CCDC170: variants seen among roughly 807,000 people sequenced by gnomAD.
CCDC170 encodes coiled-coil domain containing 170.
In CCDC170, 69 loss-of-function variants were observed where a neutral mutation model predicts 72.6. The observed-to-expected ratio is 0.95, with a 90% confidence interval of 0.78 to 1.16. CCDC170 has a LOEUF of 1.16. CCDC170 is among the 50% of genes most tolerant of loss of function. CCDC170 has a pLI of 0.00. For synonymous variants in CCDC170, 300 were observed against 303.9 expected (o/e 0.99, Z 0.13); for missense variants, 852 against 832.5 (o/e 1.02, Z -0.29).
intron 1 of CCDC170, among the ~76,000 whole-genome samples, chr6:151,508,306 G>A (rs769224451): frequency 6.6e-6 from 1 of 152,198 alleles, no homozygotes; most frequent in Admixed American, 6.5e-5. Context: ...GGGAGGCCAA[G>A]GCGGATGGAT....
chr6:151,605,552 G>C (rs1181766808), intron 9 of CCDC170, among the ~76,000 whole-genome samples: 1 of 152,164 alleles, frequency 6.6e-6, no homozygotes, highest in Non-Finnish European at 1.5e-5. Flanking sequence ...GCTGCTTTCT[G>C]TGGGTTGAGG....
At chr6:151,563,922 G>A (rs1362648865) in intron 5 of CCDC170, among the ~76,000 whole-genome samples, 2 of 152,282 alleles carry the variant, frequency 1.3e-5, no homozygotes, top group East Asian at 3.9e-4. Context: ...CACTCTGACA[G>A]GTCCTGGCTC....
chr6:151,528,530 G>T (rs1167777719), intron 1 of CCDC170, among the ~76,000 whole-genome samples: 1 of 152,156 alleles, frequency 6.6e-6, no homozygotes, highest in Non-Finnish European at 1.5e-5. Flanking sequence ...AGGTAATACA[G>T]TTATTGTAAA....
At chr6:151,617,872 G>A in intron 10 of CCDC170, 75 bp from the exon 11 acceptor site, 2 of 1,441,480 alleles carry the variant, frequency 1.4e-6, no homozygotes, top group Non-Finnish European at 9.4e-7. Context: ...CAGGTTTTTT[G>A]TTTGTTGCAT....
chr6:151,567,561 C>A (rs1243728785), intron 5 of CCDC170, among the ~76,000 whole-genome samples: 2 of 152,152 alleles, frequency 1.3e-5, no homozygotes, highest in African/African-American at 2.4e-5. Context: ...AATCCATCTT[C>A]AATCCTTCAT....
At chr6:151,557,929 T>C (rs1444602894) in intron 5 of CCDC170, among the ~76,000 whole-genome samples, 2 of 152,106 alleles carry the variant, frequency 1.3e-5, no homozygotes, top group Non-Finnish European at 2.9e-5. Context: ...CCAAACTCCA[T>C]CTCTGCTGAA....
chr6:151,527,580 C>T (rs1782429846), intron 1 of CCDC170, among the ~76,000 whole-genome samples: 1 of 152,066 alleles, frequency 6.6e-6, no homozygotes, highest in Non-Finnish European at 1.5e-5. Flanking sequence ...AGGGAAGAAA[C>T]TTTATGTAGT....
intron 9 of CCDC170, among the ~76,000 whole-genome samples, chr6:151,608,720 AC>A (rs1025259772): frequency 6.6e-6 from 1 of 152,160 alleles, no homozygotes; most frequent in Non-Finnish European, 1.5e-5. Flanking sequence ...AGGTGGTCCC[AC>A]CACTGGAAGT....
intron 6 of CCDC170, 127 bp from the exon 7 acceptor site, chr6:151,585,761 TG>T (rs1193061748): frequency 1.2e-5 from 9 of 752,482 alleles, no homozygotes; most frequent in Non-Finnish European, 1.6e-5. Context: ...ATATTTTAAA[TG>T]GGATTTTTAC....
rs371217924 is a variant in CCDC170 at position 151,525,018 on chromosome 6, C to T, written c.58-11300C>T. ...TGCAATCTCGGCTCACTGCAAACTCCGCCTCCCAGGTTCACGCCATTCTCC... is the reference window on the plus strand; with the variant it reads ...TGCAATCTCGGCTCACTGCAAACTCTGCCTCCCAGGTTCACGCCATTCTCC... On this transcript the variant is annotated intron_variant, in intron 1 of 10. Coordinates refer to ENST00000239374, the MANE Select transcript of CCDC170 (RefSeq NM_025059.4). Among the ~76,000 whole-genome samples the T allele has an allele frequency of 1.8e-4, 27 of 149,336 alleles. 1 individual carries two copies. In the South Asian group the frequency reaches 3.2e-3, roughly 18 times the overall value.
chr6:151,561,200 C>T (rs752828818), intron 5 of CCDC170, among the ~76,000 whole-genome samples: 12 of 151,456 alleles, frequency 7.9e-5, no homozygotes, highest in Non-Finnish European at 1.8e-4. Context: ...AAGCATTTTT[C>T]CTTTGTTACA....
At chr6:151,570,648 A>G (rs562002586) in intron 5 of CCDC170, among the ~76,000 whole-genome samples, 1 of 152,324 alleles carries the variant, frequency 6.6e-6, no homozygotes. Context: ...CCTAGAACCA[A>G]TTCCCCAAGG....
intron 5 of CCDC170, among the ~76,000 whole-genome samples, chr6:151,567,150 C>T (rs1025905940): frequency 3.9e-5 from 6 of 152,128 alleles, no homozygotes; most frequent in African/African-American, 1.2e-4. Flanking sequence ...AACTCCGGAC[C>T]TCAGGTGATC....
chr6:151,494,498 ATTC>A (rs1399109948), intron 1 of CCDC170, among the ~76,000 whole-genome samples: 2 of 152,166 alleles, frequency 1.3e-5, no homozygotes, highest in South Asian at 4.1e-4. Flanking sequence ...GGAGCAAAGA[ATTC>A]CTTCATTTAA....
Position 151,586,003 on chromosome 6 carries a change from A to G in CCDC170, c.1207A>G (p.Thr403Ala), listed in dbSNP as rs753388213. 3.7e-6 allele frequency: 6 copies of G among 1,613,882 alleles called. No homozygotes were observed. Among genetic ancestry groups the G allele is most frequent in the Non-Finnish European group, 5.1e-6 (6 of 1,180,010 alleles). The change falls in exon 7 of 11, where the codon ACT becomes GCT. Residue 403 changes from threonine (T) to alanine (A), a missense_variant. Coordinates refer to ENST00000239374, the MANE Select transcript of CCDC170 (RefSeq NM_025059.4). ...CCAGAAAGCAGAGAATATGTTGGAG[A>G]CTCTTCAGGGTCAGCTGACACACCT... ...RAQKAENMLE[T>A]LQGQLTHLEA...
intron 6 of CCDC170, among the ~76,000 whole-genome samples, chr6:151,583,646 T>TG (rs1385589360): frequency 1.3e-5 from 2 of 151,936 alleles, no homozygotes; most frequent in African/African-American, 4.8e-5. Context: ...TCAGTAGAGA[T>TG]GGGGTTTCGC....
chr6:151,499,083 C>T (rs938294299), intron 1 of CCDC170, among the ~76,000 whole-genome samples: 4 of 140,148 alleles, frequency 2.9e-5, no homozygotes, highest in Non-Finnish European at 6.0e-5. Flanking sequence ...TAAGTGGAAT[C>T]AGACTGTATT....
intron 7 of CCDC170, among the ~76,000 whole-genome samples, chr6:151,586,755 C>A (rs1776456238): frequency 6.6e-6 from 1 of 151,388 alleles, no homozygotes; most frequent in Non-Finnish European, 1.5e-5. Flanking sequence ...GTGAGCATTG[C>A]AGTATTTTAT....
In CCDC170 at chr6:151,517,255, C is replaced by G. The variant is rs547781250; in HGVS notation, c.58-19063C>G. ...GCTGAGGCAGGAGAATTGCTTGAAT[C>G]TGGGAGGTGGAGGTTGCAGTGAGCC... On this transcript the variant is annotated intron_variant, in intron 1 of 10. Transcript: ENST00000239374. Among the ~76,000 whole-genome samples the G allele has an allele frequency of 3.3e-5, 5 of 152,142 alleles. No individual in the cohort carries two copies. The South Asian group carries it at 1.0e-3, about 32-fold the overall frequency.
Sources: gnomAD v4.1 joint callset for allele counts (sites outside exome capture counted in the v4.1 genomes callset) on GRCh38, gnomAD v4.1.1 for gene constraint, MANE v1.5 for transcripts, NCBI Gene and HGNC (gene_info 2026-07-23, HGNC 2026-07-21) for gene names.